Variants in CEP89 observed in about 807,000 individuals in gnomAD.
CEP89 encodes centrosomal protein 89.
In CEP89, 95 loss-of-function variants were observed where a neutral mutation model predicts 97.6. That is an observed-to-expected ratio of 0.97 (90% CI 0.82 to 1.15). The LOEUF (loss-of-function observed/expected upper bound fraction) is 1.15, where lower values mean the gene tolerates loss of function less well. Among genes scored for constraint, CEP89 ranks in the 50% most tolerant of loss-of-function variants. CEP89 has a pLI of 0.00. For missense variants in CEP89, 869 were observed against 947.7 expected (o/e 0.92, Z 1.09); for synonymous variants, 354 against 349.1 (o/e 1.01, Z -0.16).
At position 32,925,370 on chromosome 19, in the gene CEP89, T is replaced by G. The variant is rs934194172; in HGVS notation, c.1164+820A>C. Among the ~76,000 whole-genome samples the G allele has an allele frequency of 6.6e-5, 10 of 152,106 alleles. No homozygotes were observed. The East Asian group carries it at 1.9e-3, about 29-fold the overall frequency. Reference sequence around the variant, plus strand: ...ATGGATAAAAACCTCACTTCTCCATTTCCAACAGCTCAGCAATCAGACTTC... The same window carrying G: ...ATGGATAAAAACCTCACTTCTCCATGTCCAACAGCTCAGCAATCAGACTTC... On this transcript the variant is annotated intron_variant, in intron 11 of 18. Transcript: ENST00000305768.
At chr19:32,912,891 A>C (rs1321868970) in intron 14 of CEP89, among the ~76,000 whole-genome samples, 1 of 151,436 alleles carries the variant, frequency 6.6e-6, no homozygotes, top group African/African-American at 2.4e-5. Context: ...AAATACAAAA[A>C]ATTAGCCGGG....
chr19:32,937,183 G>A (rs935793330), intron 7 of CEP89: 5 of 183,876 alleles, frequency 2.7e-5, no homozygotes, highest in African/African-American at 1.2e-4. Context: ...CTGTTCAGGG[G>A]GCATAACCCA....
intron 16 of CEP89, among the ~76,000 whole-genome samples, chr19:32,897,772 T>A (rs1018583104): frequency 6.6e-6 from 1 of 152,112 alleles, no homozygotes; most frequent in African/African-American, 2.4e-5. Context: ...ATCTTGCCCA[T>A]GCTGGTCTCA....
chr19:32,885,333 A>G (rs58457547), intron 17 of CEP89, among the ~76,000 whole-genome samples: 12,389 of 152,236 alleles, frequency 0.081, 1,575 homozygotes, highest in African/African-American at 0.27. Context: ...GGCAGGACTC[A>G]TTGTTGAGAC....
chr19:32,952,192 A>G (rs960851830), intron 4 of CEP89, among the ~76,000 whole-genome samples: 4 of 152,068 alleles, frequency 2.6e-5, no homozygotes, highest in South Asian at 2.1e-4. Flanking sequence ...TTTAAAATGT[A>G]TTTTAGGGCC....
chr19:32,911,514 G>A (rs547002493), intron 14 of CEP89, among the ~76,000 whole-genome samples: 2 of 152,264 alleles, frequency 1.3e-5, no homozygotes, highest in East Asian at 1.9e-4. Flanking sequence ...ATAGCCAGGT[G>A]CTATGGCACG....
At chr19:32,892,588 G>T (rs996267016) in intron 16 of CEP89, among the ~76,000 whole-genome samples, 2 of 151,494 alleles carry the variant, frequency 1.3e-5, no homozygotes, top group African/African-American at 4.8e-5. Flanking sequence ...TTACAGGTGT[G>T]AGCCACTGTG....
rs767437322 is a variant in CEP89 at position 32,933,633 on chromosome 19, A to G, written c.704T>C (p.Ile235Thr). 1.4e-5 allele frequency: 22 copies of G among 1,612,524 alleles called. No individual in the cohort carries two copies. Among genetic ancestry groups the G allele is most frequent in the Non-Finnish European group, 1.7e-5 (20 of 1,178,762 alleles). ...TGRARQRYTE[I>T]TREKFEALKE... is the part of the protein sequence containing the mutation. ...TAATGCCTCAAACTTTTCTCTGGTT[A>G]TTTCTGTATATCTTTGACGTGCTCT... The change falls in exon 8 of 19, where the codon ATA (isoleucine) becomes ACA (threonine). Residue 235 changes from isoleucine to threonine, a missense_variant. Ile to Thr is a moderately conservative substitution (Grantham distance 89, BLOSUM62 -1). Coordinates refer to ENST00000305768, the MANE Select transcript of CEP89 (RefSeq NM_032816.5).
At chr19:32,909,814 C>T (rs1024594134) in intron 14 of CEP89, among the ~76,000 whole-genome samples, 6 of 152,120 alleles carry the variant, frequency 3.9e-5, no homozygotes, top group African/African-American at 1.2e-4. Flanking sequence ...CAGAAGGATA[C>T]GAGAGACACC....
intron 18 of CEP89, 33 bp from the exon 19 acceptor site, chr19:32,879,411 T>A (rs1244745275): frequency 5.8e-6 from 9 of 1,553,206 alleles, no homozygotes; most frequent in Non-Finnish European, 8.0e-6. Context: ...GGCACAATTT[T>A]AAAAATAATA....
chr19:32,971,865 C>T lies in CEP89; in HGVS notation c.10G>A (p.Gly4Arg). The T allele has an allele frequency of 6.3e-7, 1 of 1,591,268 alleles. No homozygotes were observed. The highest frequency in any genetic ancestry group is 8.6e-7 in the Non-Finnish European group (1 of 1,167,770). Reference protein sequence around the residue: MLLGFRRGRRSHFK... With the variant: MLLRFRRGRRSHFK... The stretch of plus-strand genomic sequence containing the variant: ...TGACTCCTGCGGCCTCTCCGAAATC[C>T]CAGGAGCATCCTTGCAGCGCGAGGA... Residue 4 changes from glycine (G) to arginine (R), a missense_variant, in exon 1 of 19, where the codon GGA becomes AGA. Gly to Arg is a moderately radical substitution (Grantham distance 125). Coordinates refer to ENST00000305768, the MANE Select transcript of CEP89 (RefSeq NM_032816.5).
Position 32,899,911 on chromosome 19 carries a change from G to C in CEP89, c.1821C>G (p.Asn607Lys), listed in dbSNP as rs1969727995. 1 of 1,613,906 alleles carries C rather than the reference G, an allele frequency of 6.2e-7. No homozygotes were observed. Among genetic ancestry groups the C allele is most frequent in the East Asian group, 2.2e-5 (1 of 44,870 alleles). ...TTATGTTTTCTGCCAGGCCAACAAG[G>C]TTTGCCAGGTACTGATGAGCAGACA... ...NEMSAHQYLA[N>K]LVGLAENITQ... The change falls in exon 16 of 19, where the codon AAC becomes AAG. Residue 607 changes from asparagine (N) to lysine (K), a missense_variant. Asn to Lys is a moderately conservative substitution (Grantham distance 94, BLOSUM62 0). Coordinates refer to ENST00000305768, the MANE Select transcript of CEP89 (RefSeq NM_032816.5).
At chr19:32,885,007 C>T (rs545722770) in intron 17 of CEP89, among the ~76,000 whole-genome samples, 28 of 152,276 alleles carry the variant, frequency 1.8e-4, no homozygotes, top group African/African-American at 6.3e-4. Flanking sequence ...CTCATGACAA[C>T]GTTTTCTTCA....
rs191906490 is a variant in CEP89, at chr19:32,913,798, C to T, written c.1565+1539G>A. On this transcript the variant is annotated intron_variant, in intron 14 of 18. Transcript: ENST00000305768. ...GGATTACAGGTGCCTGCCACCATGC[C>T]TGGCTAATTTTTATACTTTCAGTAG... 3.3e-5 allele frequency among the ~76,000 whole-genome samples: 5 copies of T among 152,112 alleles called. No homozygotes were observed. The East Asian group carries it at 9.7e-4, about 29-fold the overall frequency.
intron 14 of CEP89, among the ~76,000 whole-genome samples, chr19:32,907,972 A>G (rs1278643276): frequency 6.6e-6 from 1 of 152,206 alleles, no homozygotes; most frequent in African/African-American, 2.4e-5. Flanking sequence ...ATTGGTTTAT[A>G]GTTGCCTGCA....
At chr19:32,934,479 G>A (rs980416924) in intron 7 of CEP89, among the ~76,000 whole-genome samples, 1 of 152,198 alleles carries the variant, frequency 6.6e-6, no homozygotes, top group East Asian at 1.9e-4. Context: ...GCTCCCATGG[G>A]CCCTGGCCAG....
In CEP89 at chr19:32,912,202, C is replaced by CA. The variant is rs558318035; in HGVS notation, c.1565+3134dup. 5.3e-3 allele frequency among the ~76,000 whole-genome samples: 522 copies of CA among 98,204 alleles called. 1 individual carries two copies. The highest frequency in any genetic ancestry group is 0.014 in the African/African-American group (366 of 25,682). The allele number at this position is 98,204 out of a possible 152,430, so 64.4% of individuals were successfully genotyped here. A position where few individuals can be genotyped will look rare whatever the true frequency, so the allele number is the denominator to read the frequency against. Reference sequence around the variant, plus strand: ...TGGGTGACAGAGTAAGACTCTGTCTCAAAAAAAAAAAAAGGAAAAAAAAGA... The same window carrying CA: ...TGGGTGACAGAGTAAGACTCTGTCTCAAAAAAAAAAAAAAGGAAAAAAAAGA... On this transcript the variant is annotated intron_variant, in intron 14 of 18. Coordinates refer to ENST00000305768, the MANE Select transcript of CEP89 (RefSeq NM_032816.5).
intron 6 of CEP89, among the ~76,000 whole-genome samples, chr19:32,938,845 G>C (rs1161307471): frequency 6.6e-6 from 1 of 152,176 alleles, no homozygotes; most frequent in Non-Finnish European, 1.5e-5. Flanking sequence ...AGCTACTCGG[G>C]AGGATGAGGC....
chr19:32,953,625 T>G lies in CEP89; in HGVS notation c.482A>C (p.His161Pro), dbSNP rs770167446. Residue 161 changes from histidine (H) to proline (P), a missense_variant, in exon 4 of 19, where the codon CAC becomes CCC. His to Pro is a moderately conservative substitution (Grantham distance 77). Transcript: ENST00000305768. ...GHSDDLYAVP[H>P]RNQVPLLHEV... ...GAACATAGAAAACACCTGATTTCTG[T>G]GTGGCACAGCGTACAGGTCATCACT... 1 of 1,604,242 alleles carries G rather than the reference T, an allele frequency of 6.2e-7. No individual in the cohort carries two copies.
Sources: gnomAD v4.1 joint callset for allele counts (sites outside exome capture counted in the v4.1 genomes callset) on GRCh38, gnomAD v4.1.1 for gene constraint, MANE v1.5 for transcripts, NCBI Gene and HGNC (gene_info 2026-07-23, HGNC 2026-07-21) for gene names.